Variants in GLUL observed in about 807,000 individuals in gnomAD.
GLUL encodes the protein glutamate-ammonia ligase.
Under a neutral mutation model 36.9 loss-of-function variants are expected in GLUL, and 8 were observed. That is an observed-to-expected ratio of 0.22 (90% confidence interval 0.13 to 0.39). GLUL has a LOEUF of 0.39. GLUL is among the 10% of genes least tolerant of loss of function. The pLI is 1.00. For missense variants in GLUL, 315 were observed against 501.8 expected (o/e 0.63, Z 3.56); for synonymous variants, 182 against 172.8 (o/e 1.05, Z -0.42).
rs1650089549 is a variant in GLUL at position 182,384,596 on chromosome 1, C to T, written c.931G>A (p.Asp311Asn). Residue 311 changes from aspartate (D) to asparagine (N), a missense_variant, in exon 7 of 7, where the codon GAC becomes AAC. Physicochemically the swap from Asp to Asn is conservative, Grantham distance 23. Coordinates refer to ENST00000331872, the MANE Select transcript of GLUL (RefSeq NM_001033044.4). Reference protein sequence around the residue: ...TGFHETSNINDFSAGVANRSA... With the variant: ...TGFHETSNINNFSAGVANRSA... ...CGATTGGCTACACCAGCAGAAAAGTCGTTGATGTTGGAGGTTTCATGGAAT... is the reference window on the plus strand; with the variant it reads ...CGATTGGCTACACCAGCAGAAAAGTTGTTGATGTTGGAGGTTTCATGGAAT... 3 of 1,614,026 alleles carry T rather than the reference C, an allele frequency of 1.9e-6. No individual in the cohort carries two copies. Among genetic ancestry groups the T allele is most frequent in the Non-Finnish European group, 2.5e-6 (3 of 1,180,038 alleles).
intron 4 of GLUL, 62 bp from the exon 5 acceptor site, chr1:182,385,949 G>C (rs147018555): frequency 2.4e-5 from 36 of 1,526,332 alleles, no homozygotes; most frequent in Admixed American, 3.3e-5. Context: ...CAAAGTCAGA[G>C]ATCAGAAGGC....
chr1:182,391,592 C>G (rs1650421374), intron 1 of GLUL, 87 bp downstream of exon 1: 1 of 198,608 alleles, frequency 5.0e-6, no homozygotes. Context: ...GGCAGGCAGC[C>G]GAAAAAAGAG....
Position 182,383,113 on chromosome 1 carries a change from AAAT to A in GLUL, c.*1289_*1291del, listed in dbSNP as rs769384071. The A allele has an allele frequency of 3.9e-5, 6 of 152,216 alleles. No individual in the cohort carries two copies. Among genetic ancestry groups the A allele is most frequent in the Admixed American group, 1.3e-4 (2 of 15,274 alleles). 9.4% of individuals were successfully genotyped at this position (152,216 alleles called of 1,614,324 possible). On this transcript the variant is annotated 3_prime_UTR_variant, in exon 7 of 7. Transcript: ENST00000331872. ...TTTATTCCTTATTATAAAAGAAAAA[AAAT>A]AATTCTTCAGCAGTCTTAACAAAGA...
chr1:182,384,809 GAACA>G, intron 6 of GLUL, 86 bp from the exon 7 acceptor site: 1 of 952,792 alleles, frequency 1.0e-6, no homozygotes, highest in Non-Finnish European at 1.7e-6. Context: ...GATACCAGTA[GAACA>G]AATACTTCAT....
chr1:182,390,467 C>T, intron 1 of GLUL: 1 of 399,092 alleles, frequency 2.5e-6, no homozygotes, highest in Non-Finnish European at 4.4e-6. Flanking sequence ...CCACCAACTC[C>T]GGGGTCGTCC....
At position 182,379,214 on chromosome 1, in the gene GLUL, C is replaced by T. The variant is rs992407208; in HGVS notation, c.*5191G>A. Among the ~76,000 whole-genome samples the T allele has an allele frequency of 4.6e-5, 7 of 152,000 alleles. No homozygotes were observed. The South Asian group carries it at 1.2e-3, about 27-fold the overall frequency. On this transcript the variant is annotated 3_prime_UTR_variant, in exon 7 of 7. Coordinates refer to ENST00000331872, the MANE Select transcript of GLUL (RefSeq NM_001033044.4). ...TTTGGAGTTAAATGATGAACTGCCA[C>T]TTATTTATTTATTTATTTGTTTATT...
intron 6 of GLUL, 83 bp from the exon 7 acceptor site, chr1:182,384,806 G>T: frequency 1.0e-6 from 1 of 987,924 alleles, no homozygotes; most frequent in Non-Finnish European, 1.6e-6. Flanking sequence ...TATGATACCA[G>T]TAGAACAAAT....
intron 2 of GLUL, 40 bp downstream of exon 2, chr1:182,388,532 T>TG: frequency 6.3e-7 from 1 of 1,581,768 alleles, no homozygotes; most frequent in Non-Finnish European, 8.7e-7. Flanking sequence ...CCTCTGCAGA[T>TG]CCCACCCAGC....
In GLUL at chr1:182,380,460, T is replaced by A. The variant is rs1558150032; in HGVS notation, c.*3945A>T. On this transcript the variant is annotated 3_prime_UTR_variant, in exon 7 of 7. Transcript: ENST00000331872. ...TAGCTGAGACTACAGGCGTGCAATTTAAAAAAAAATTATTTTGTGGAGTCT... is the reference window on the plus strand; with the variant it reads ...TAGCTGAGACTACAGGCGTGCAATTAAAAAAAAAATTATTTTGTGGAGTCT... 6.6e-6 allele frequency among the ~76,000 whole-genome samples: 1 copy of A among 151,726 alleles called. No individual in the cohort carries two copies. The highest frequency in any genetic ancestry group is 2.4e-5 in the African/African-American group (1 of 41,322).
intron 4 of GLUL, 168 bp downstream of exon 4, chr1:182,386,088 C>T (rs1650168822): frequency 3.4e-6 from 3 of 881,496 alleles, no homozygotes; most frequent in East Asian, 4.9e-5. Context: ...TAAAACCTTA[C>T]TTTATATATT....
chr1:182,390,430 T>C (rs1189217177), intron 1 of GLUL: 3 of 398,400 alleles, frequency 7.5e-6, no homozygotes, highest in African/African-American at 4.1e-5. Context: ...AAATGGATTC[T>C]GAAGTTTTCA....
chr1:182,381,115 A>C lies in GLUL; in HGVS notation c.*3290T>G, dbSNP rs1485017683. Among the ~76,000 whole-genome samples, 1 of 152,174 alleles carries C rather than the reference A, an allele frequency of 6.6e-6. No individual in the cohort carries two copies. Among genetic ancestry groups the C allele is most frequent in the African/African-American group, 2.4e-5 (1 of 41,424 alleles). On this transcript the variant is annotated 3_prime_UTR_variant, in exon 7 of 7. Transcript: ENST00000331872. The stretch of plus-strand genomic sequence containing the variant: ...AACCCCATCTGTACTAAAAATACAA[A>C]AATTAGCTGAGCATGGTGGTGCACA...
chr1:182,388,627 T>A lies in GLUL; in HGVS notation c.111A>T (p.Gly37=), dbSNP rs1650277067. Residue 37 remains glycine, a synonymous_variant, in exon 2 of 7, where the codon GGA becomes GGT. Transcript: ENST00000331872. ...QAMYIWIDGT[G]EGLRCKTRTL... ...TCCGGGTCTTGCAGCGCAGTCCTTCTCCAGTACCATCGATCCAGATATACA... is the reference window on the plus strand; with the variant it reads ...TCCGGGTCTTGCAGCGCAGTCCTTCACCAGTACCATCGATCCAGATATACA... 6.2e-7 allele frequency: 1 copy of A among 1,613,894 alleles called. No individual in the cohort carries two copies. The highest frequency in any genetic ancestry group is 1.3e-5 in the African/African-American group (1 of 75,004).
chr1:182,391,185 C>G (rs1168007856), intron 1 of GLUL: 2 of 398,432 alleles, frequency 5.0e-6, no homozygotes, highest in Non-Finnish European at 8.8e-6. Context: ...CGTTACACGC[C>G]GCAATCGAGG....
At position 182,378,817 on chromosome 1, in the gene GLUL, G is replaced by A. The variant is rs1317426282; in HGVS notation, c.*5588C>T. On this transcript the variant is annotated 3_prime_UTR_variant, in exon 7 of 7. Coordinates refer to ENST00000331872, the MANE Select transcript of GLUL (RefSeq NM_001033044.4). ...TCTTGAGATGGAGTCACACTCTGTT[G>A]CCTAGGCTGGAGTGCAATGGTGCAA... Among the ~76,000 whole-genome samples the A allele has an allele frequency of 6.6e-6, 1 of 151,946 alleles. No individual in the cohort carries two copies. The highest frequency in any genetic ancestry group is 1.5e-5 in the Non-Finnish European group (1 of 68,016).
chr1:182,384,106 T>C lies in GLUL; in HGVS notation c.*299A>G, dbSNP rs1444952188. 14 of 409,072 alleles carry C rather than the reference T, an allele frequency of 3.4e-5. No homozygotes were observed. The highest frequency in any genetic ancestry group is 6.4e-5 in the Non-Finnish European group (14 of 217,406). The allele number at this position is 409,072 out of a possible 1,614,324, so 25.3% of individuals were successfully genotyped here. ...GCTCTGTCCGGATAGCTACGCCTAT[T>C]GGACAGGTGCACCCCATTAAATGGA... On this transcript the variant is annotated 3_prime_UTR_variant, in exon 7 of 7. Coordinates refer to ENST00000331872, the MANE Select transcript of GLUL (RefSeq NM_001033044.4).
chr1:182,385,643 A>G, intron 5 of GLUL, 87 bp from the exon 6 acceptor site: 1 of 1,550,380 alleles, frequency 6.5e-7, no homozygotes, highest in Admixed American at 1.7e-5. Context: ...TCTCACCTGT[A>G]CTCCAACCCG....
chr1:182,390,741 C>T (rs1356127753), intron 1 of GLUL: 4 of 399,020 alleles, frequency 1.0e-5, no homozygotes, highest in Non-Finnish European at 1.8e-5. Flanking sequence ...ACAGAGTAGG[C>T]GACGAAGCCG....
At position 182,384,091 on chromosome 1, in the gene GLUL, G is replaced by A; in HGVS notation, c.*314C>T. On this transcript the variant is annotated 3_prime_UTR_variant, in exon 7 of 7. Coordinates refer to ENST00000331872, the MANE Select transcript of GLUL (RefSeq NM_001033044.4). ...CCCTTCTGCAAACGTGCTCTGTCCG[G>A]ATAGCTACGCCTATTGGACAGGTGC... is the stretch of plus-strand genomic sequence containing the variant. 5.2e-6 allele frequency: 2 copies of A among 387,806 alleles called. No homozygotes were observed. The highest frequency in any genetic ancestry group is 9.8e-6 in the Non-Finnish European group (2 of 203,658). The allele number at this position is 387,806 out of a possible 1,614,324, so 24.0% of individuals were successfully genotyped here. A position where few individuals can be genotyped will look rare whatever the true frequency, so the allele number is the denominator to read the frequency against.
Sources: gnomAD v4.1 joint callset for allele counts (sites outside exome capture counted in the v4.1 genomes callset) on GRCh38, gnomAD v4.1.1 for gene constraint, MANE v1.5 for transcripts, NCBI Gene and HGNC (gene_info 2026-07-23, HGNC 2026-07-21) for gene names.